ARHGEF7: variants seen among roughly 807,000 people sequenced by gnomAD.
ARHGEF7 encodes the protein Rho guanine nucleotide exchange factor 7.
Under a neutral mutation model 109.8 loss-of-function variants are expected in ARHGEF7, and 33 were observed. The observed-to-expected ratio is 0.30, with a 90% CI of 0.23 to 0.40. The LOEUF is 0.40. Ranked by LOEUF, ARHGEF7 falls within the 10% of genes least tolerant of loss-of-function variation. The probability of loss-of-function intolerance (pLI) is 1.00; values close to 1 mark genes in which losing one functional copy is unlikely to be tolerated. For missense variants in ARHGEF7, 938 were observed against 1,098.5 expected (o/e 0.85, Z 2.07); for synonymous variants, 458 against 424.6 (o/e 1.08, Z -0.97).
chr13:111,224,785 A>T (rs2084961941), intron 5 of ARHGEF7, among the ~76,000 whole-genome samples: 1 of 152,216 alleles, frequency 6.6e-6, no homozygotes, highest in African/African-American at 2.4e-5. Context: ...GGAAAAGGAC[A>T]AAAGTACCCC....
chr13:111,207,717 C>T (rs1349702933), intron 3 of ARHGEF7, among the ~76,000 whole-genome samples: 1 of 152,140 alleles, frequency 6.6e-6, no homozygotes, highest in African/African-American at 2.4e-5. Context: ...TACACTCAGT[C>T]TTGGGATTGT....
intron 6 of ARHGEF7, among the ~76,000 whole-genome samples, chr13:111,242,596 T>C (rs2087981193): frequency 6.6e-6 from 1 of 152,354 alleles, no homozygotes; most frequent in East Asian, 1.9e-4. Context: ...GCACTAGCTC[T>C]GTAACAGACT....
rs747056964 is a variant in ARHGEF7 at position 111,266,926 on chromosome 13, C to T, written c.951-622C>T. On this transcript the variant is annotated intron_variant, in intron 8 of 21. Transcript: ENST00000646102. This position sits in a 1 kb window ranked among gnomAD's most constrained non-coding sequence, Gnocchi z 4.8. ...CCGTTAGGCACACCCAACACTGAGG[C>T]GGCACCACCAGGGGCCCTGATGCCC... The T allele has an allele frequency of 5.9e-5, 27 of 455,716 alleles. No individual in the cohort carries two copies. Among genetic ancestry groups the T allele is most frequent in the Middle Eastern group, 3.2e-4 (1 of 3,090 alleles). 28.2% of individuals were successfully genotyped at this position (455,716 alleles called of 1,614,324 possible).
chr13:111,205,876 A>C (rs2081768186), intron 3 of ARHGEF7, among the ~76,000 whole-genome samples: 1 of 151,966 alleles, frequency 6.6e-6, no homozygotes, highest in Non-Finnish European at 1.5e-5. Context: ...CCCCATTAGT[A>C]CTGAAGTGGA....
intron 2 of ARHGEF7, among the ~76,000 whole-genome samples, chr13:111,160,297 T>A (rs1368605720): frequency 6.6e-6 from 1 of 152,206 alleles, no homozygotes. Flanking sequence ...TGCCTCCAGC[T>A]TTGTTCTTTT....
At chr13:111,225,775 C>T (rs74905125) in intron 5 of ARHGEF7, among the ~76,000 whole-genome samples, 1 of 152,240 alleles carries the variant, frequency 6.6e-6, no homozygotes, top group African/African-American at 2.4e-5. Flanking sequence ...TCTGACTGCC[C>T]TACTGACCGG....
intron 3 of ARHGEF7, among the ~76,000 whole-genome samples, chr13:111,208,955 A>G (rs2082191250): frequency 1.3e-5 from 2 of 152,194 alleles, no homozygotes; most frequent in South Asian, 4.1e-4. Flanking sequence ...CACATCCTAA[A>G]TGTGTCAAGA....
intron 12 of ARHGEF7, 83 bp from the exon 13 acceptor site, chr13:111,277,504 T>A (rs1416506577): frequency 1.2e-6 from 1 of 837,844 alleles, no homozygotes; most frequent in Non-Finnish European, 2.0e-6. Context: ...TAGGGCCTAG[T>A]ATAAATAAGT....
chr13:111,190,692 A>G (rs2079782212), intron 2 of ARHGEF7, among the ~76,000 whole-genome samples: 1 of 152,134 alleles, frequency 6.6e-6, no homozygotes, highest in Admixed American at 6.5e-5. Flanking sequence ...AGGGGTACTG[A>G]TAAAGTCTGA....
intron 1 of ARHGEF7, among the ~76,000 whole-genome samples, chr13:111,120,027 C>T (rs1283549654): frequency 6.6e-6 from 1 of 152,180 alleles, no homozygotes; most frequent in Non-Finnish European, 1.5e-5. Context: ...TCTTTAAACC[C>T]TGCAAACTGA....
rs564669104 is a variant in ARHGEF7, at chr13:111,252,724, AAAGG to A, written c.950+8432_950+8435del. Among the ~76,000 whole-genome samples, 3 of 152,246 alleles carry A rather than the reference AAAGG, an allele frequency of 2.0e-5. No individual in the cohort carries two copies. The South Asian group carries it at 6.2e-4, about 32-fold the overall frequency. Reference sequence around the variant, plus strand: ...CAGTTATTAACTCATTTTATCCTTTAAAGGACCCCATGAGGCAGGTGTTTAAAGA... The same window carrying A: ...CAGTTATTAACTCATTTTATCCTTTAACCCCATGAGGCAGGTGTTTAAAGA... On this transcript the variant is annotated intron_variant, in intron 8 of 21. Coordinates refer to ENST00000646102, the MANE Select transcript of ARHGEF7 (RefSeq NM_001354046.2).
In ARHGEF7 at chr13:111,234,523, G is replaced by T. The variant is rs528157468; in HGVS notation, c.759+1230G>T. Reference sequence around the variant, plus strand: ...TCGCTGAGCTCGCACTTGGGTACGGGAACACAATGGTCTTTTGTTGCCTCC... The same window carrying T: ...TCGCTGAGCTCGCACTTGGGTACGGTAACACAATGGTCTTTTGTTGCCTCC... On this transcript the variant is annotated intron_variant, in intron 6 of 21. Coordinates refer to ENST00000646102, the MANE Select transcript of ARHGEF7 (RefSeq NM_001354046.2). Among the ~76,000 whole-genome samples the T allele has an allele frequency of 2.6e-5, 4 of 152,158 alleles. 1 individual carries two copies. In the South Asian group the frequency reaches 8.3e-4, roughly 32 times the overall value.
intron 1 of ARHGEF7, among the ~76,000 whole-genome samples, chr13:111,133,780 T>C: frequency 3.3e-5 from 1 of 30,184 alleles, no homozygotes; most frequent in South Asian, 1.2e-3. Context: ...TATATATATA[T>C]ATATATATAT....
At chr13:111,140,694 C>T (rs149845796) in intron 1 of ARHGEF7, among the ~76,000 whole-genome samples, 10 of 151,792 alleles carry the variant, frequency 6.6e-5, no homozygotes, top group Middle Eastern at 3.4e-3. Flanking sequence ...TTTGTTTGTT[C>T]GTTTGTTTGC....
chr13:111,128,175 CT>C (rs2067704023), intron 1 of ARHGEF7, among the ~76,000 whole-genome samples: 1 of 152,236 alleles, frequency 6.6e-6, no homozygotes, highest in Admixed American at 6.5e-5. Context: ...ACTCTTACCA[CT>C]TCTGTTCAAC....
intron 1 of ARHGEF7, among the ~76,000 whole-genome samples, chr13:111,132,342 G>A (rs1311291670): frequency 3.3e-5 from 5 of 152,162 alleles, no homozygotes; most frequent in South Asian, 2.1e-4. Flanking sequence ...ATGTATTGAT[G>A]TCAGGTGTTT....
At chr13:111,170,931 T>C (rs1157402438) in intron 2 of ARHGEF7, among the ~76,000 whole-genome samples, 2 of 152,280 alleles carry the variant, frequency 1.3e-5, no homozygotes, top group Admixed American at 6.5e-5. Flanking sequence ...TGGTTATCTT[T>C]AATTTTTAAA....
chr13:111,246,322 G>T (rs1406857009), intron 8 of ARHGEF7, among the ~76,000 whole-genome samples: 1 of 152,036 alleles, frequency 6.6e-6, no homozygotes. Flanking sequence ...CTTGGATTTC[G>T]GTTGGTCTCT....
chr13:111,243,904 A>G lies in ARHGEF7; in HGVS notation c.792A>G (p.Glu264=), dbSNP rs766633989. Residue 264 remains glutamate, a synonymous_variant, in exon 7 of 22, where the codon GAA becomes GAG. Coordinates refer to ENST00000646102, the MANE Select transcript of ARHGEF7 (RefSeq NM_001354046.2). ...VLQNILETEN[E]YSKELQTVLS... ...AGAATATTTTAGAAACAGAAAATGAATATTCTAAAGAACTTCAGACTGTGC... is the reference window on the plus strand; with the variant it reads ...AGAATATTTTAGAAACAGAAAATGAGTATTCTAAAGAACTTCAGACTGTGC... 8.7e-6 allele frequency: 14 copies of G among 1,612,216 alleles called. No individual in the cohort carries two copies. The highest frequency in any genetic ancestry group is 6.6e-5 in the South Asian group (6 of 90,794).
Sources: gnomAD v4.1 joint callset for allele counts (sites outside exome capture counted in the v4.1 genomes callset) on GRCh38, gnomAD v4.1.1 for gene constraint, Gnocchi (gnomAD v3.1) non-coding constraint, MANE v1.5 for transcripts, NCBI Gene and HGNC (gene_info 2026-07-23, HGNC 2026-07-21) for gene names.